FAM184B: variants seen among roughly 807,000 people sequenced by gnomAD.
FAM184B encodes protein FAM184B.
In FAM184B, 111 loss-of-function variants were observed where a neutral mutation model predicts 135.9. The ratio of observed to expected loss-of-function variants is 0.82; its 90% CI spans 0.70 to 0.96. The LOEUF (loss-of-function observed/expected upper bound fraction) is 0.96, where lower values mean the gene tolerates loss of function less well. Among genes scored for constraint, FAM184B ranks in the 40% least tolerant of loss-of-function variants. The pLI is 0.00. For missense variants in FAM184B, 1,375 were observed against 1,323.9 expected, an observed-to-expected ratio of 1.04 and a Z score of -0.60; for synonymous variants, 552 against 524.8, an observed-to-expected ratio of 1.05 and a Z score of -0.71.
At position 17,705,150 on chromosome 4, in the gene FAM184B, GTCT is replaced by G. The variant is rs1372188778; in HGVS notation, c.1224_1226del (p.Glu408del). On this transcript the variant is annotated inframe_deletion, in exon 5 of 18. Coordinates refer to ENST00000265018, the MANE Select transcript of FAM184B (RefSeq NM_015688.2). ...CTGTCTGATGTTTGATTTTACGAAGGTCTTCTTCATATTGTTGCTTCATATATT... is the reference window on the plus strand; with the variant it reads ...CTGTCTGATGTTTGATTTTACGAAGGTCTTCATATTGTTGCTTCATATATT... 29 of 1,551,612 alleles carry G rather than the reference GTCT, an allele frequency of 1.9e-5. No individual in the cohort carries two copies. Among genetic ancestry groups the G allele is most frequent in the Admixed American group, 1.8e-4 (9 of 50,974 alleles).
At chr4:17,773,809 T>C (rs941488445) in intron 1 of FAM184B, among the ~76,000 whole-genome samples, 3 of 152,176 alleles carry the variant, frequency 2.0e-5, no homozygotes, top group Non-Finnish European at 4.4e-5. Flanking sequence ...ACTCCCGACC[T>C]CAGGTGATCC....
intron 7 of FAM184B, among the ~76,000 whole-genome samples, chr4:17,679,237 A>G (rs1430103499): frequency 1.3e-5 from 2 of 152,258 alleles, no homozygotes; most frequent in Non-Finnish European, 2.9e-5. Context: ...CAGAGTAAAC[A>G]GACAACCTAC....
intron 12 of FAM184B, among the ~76,000 whole-genome samples, chr4:17,647,048 G>A (rs902017080): frequency 2.0e-5 from 3 of 152,188 alleles, no homozygotes; most frequent in Non-Finnish European, 4.4e-5. Context: ...CAGACCAGCT[G>A]CATCGAGGGC....
intron 1 of FAM184B, among the ~76,000 whole-genome samples, chr4:17,730,284 T>A (rs1717746026): frequency 6.6e-6 from 1 of 152,158 alleles, no homozygotes; most frequent in Admixed American, 6.5e-5. Context: ...CAAATCTACA[T>A]CTGATTGGTG....
intron 1 of FAM184B, among the ~76,000 whole-genome samples, chr4:17,746,013 C>T (rs370290973): frequency 5.9e-5 from 9 of 152,090 alleles, no homozygotes; most frequent in Non-Finnish European, 1.0e-4. Flanking sequence ...GACTGGAGTG[C>T]ACTGGTACAA....
intron 15 of FAM184B, among the ~76,000 whole-genome samples, chr4:17,636,131 A>G (rs895922683): frequency 1.3e-5 from 2 of 152,064 alleles, no homozygotes; most frequent in Admixed American, 6.5e-5. Context: ...TCTTTGAGAC[A>G]GTCTTGCTCT....
chr4:17,736,267 T>C (rs76813749), intron 1 of FAM184B, among the ~76,000 whole-genome samples: 183 of 152,332 alleles, frequency 1.2e-3, no homozygotes, highest in Non-Finnish European at 2.2e-3. Flanking sequence ...GCCTGTGTTC[T>C]TAACCACTGT....
chr4:17,774,992 CTTTT>C (rs71167338), intron 1 of FAM184B, among the ~76,000 whole-genome samples: 1 of 81,750 alleles, frequency 1.2e-5, no homozygotes, highest in Non-Finnish European at 2.2e-5. Flanking sequence ...TTTTCCTTTT[CTTTT>C]TTTTTTTTTT....
At chr4:17,685,581 A>C (rs991504616) in intron 7 of FAM184B, among the ~76,000 whole-genome samples, 4 of 146,210 alleles carry the variant, frequency 2.7e-5, no homozygotes, top group African/African-American at 1.0e-4. Context: ...AAAAAAAAAG[A>C]CTGAGGAGTT....
chr4:17,687,306 A>C (rs1000700954), intron 7 of FAM184B, among the ~76,000 whole-genome samples: 2 of 152,228 alleles, frequency 1.3e-5, no homozygotes, highest in Admixed American at 1.3e-4. Context: ...TGTAGGCAAC[A>C]ATCAAATAAG....
In FAM184B at chr4:17,630,897, T is replaced by C. The variant is rs141191435; in HGVS notation, c.*1635A>G. On this transcript the variant is annotated 3_prime_UTR_variant, in exon 18 of 18. Transcript: ENST00000265018. Reference sequence around the variant, plus strand: ...AATCAATACAAGTCAACCATTTTTATTGCCCAGTTATTCAAAGTTTTATTC... The same window carrying C: ...AATCAATACAAGTCAACCATTTTTACTGCCCAGTTATTCAAAGTTTTATTC... The C allele has an allele frequency of 6.6e-5, 10 of 152,342 alleles. No individual in the cohort carries two copies. The highest frequency in any genetic ancestry group is 2.4e-4 in the African/African-American group (10 of 41,582). 9.4% of individuals were successfully genotyped at this position (152,342 alleles called of 1,614,324 possible).
chr4:17,633,637 C>T, intron 17 of FAM184B, 52 bp downstream of exon 17: 1 of 1,379,410 alleles, frequency 7.2e-7, no homozygotes, highest in South Asian at 1.7e-5. Context: ...TACTTCCCCT[C>T]TTATCTACAG....
In FAM184B at chr4:17,780,181, G is replaced by A. The variant is rs558689350; in HGVS notation, c.141+978C>T. 1.4e-3 allele frequency among the ~76,000 whole-genome samples: 216 copies of A among 152,228 alleles called. 3 individuals are homozygous for A. The highest frequency in any genetic ancestry group is 6.8e-3 in the Middle Eastern group (2 of 294). On this transcript the variant is annotated intron_variant, in intron 1 of 17. Transcript: ENST00000265018. Reference sequence around the variant, plus strand: ...AGTGAGGTTGGCGGGACAGGGGGAGGGGAATGTCTGTGATCCCACAAAAAA... The same window carrying A: ...AGTGAGGTTGGCGGGACAGGGGGAGAGGAATGTCTGTGATCCCACAAAAAA...
At chr4:17,778,080 A>G (rs1451707803) in intron 1 of FAM184B, among the ~76,000 whole-genome samples, 2 of 152,192 alleles carry the variant, frequency 1.3e-5, no homozygotes, top group Non-Finnish European at 2.9e-5. Flanking sequence ...CAAAGAAAAA[A>G]AAAAAAAGTA....
intron 1 of FAM184B, among the ~76,000 whole-genome samples, chr4:17,725,200 T>C (rs1223074084): frequency 6.6e-6 from 1 of 152,098 alleles, no homozygotes; most frequent in African/African-American, 2.4e-5. Context: ...CTCAGTATTG[T>C]ATCCTCACTA....
chr4:17,680,063 A>G (rs1262180194), intron 7 of FAM184B, among the ~76,000 whole-genome samples: 1 of 152,194 alleles, frequency 6.6e-6, no homozygotes, highest in Non-Finnish European at 1.5e-5. Context: ...AAGACTGCAC[A>G]CTGGGTACAG....
intron 6 of FAM184B, among the ~76,000 whole-genome samples, chr4:17,688,999 T>C (rs1047284038): frequency 8.9e-4 from 135 of 152,196 alleles, no homozygotes; most frequent in Non-Finnish European, 2.4e-4. Flanking sequence ...GGCCTAGAAA[T>C]GCCATTTCTA....
chr4:17,638,804 G>T (rs973588496), intron 14 of FAM184B, among the ~76,000 whole-genome samples: 1 of 150,610 alleles, frequency 6.6e-6, no homozygotes. Context: ...CTCATAAAAT[G>T]AAGGGAGACT....
chr4:17,694,333 C>G (rs1215082715), intron 5 of FAM184B, among the ~76,000 whole-genome samples: 1 of 152,134 alleles, frequency 6.6e-6, no homozygotes, highest in East Asian at 1.9e-4. Context: ...ACCATCCTGG[C>G]TAACACAGTG....
Sources: gnomAD v4.1 joint callset for allele counts (sites outside exome capture counted in the v4.1 genomes callset) on GRCh38, gnomAD v4.1.1 for gene constraint, MANE v1.5 for transcripts, NCBI Gene and HGNC (gene_info 2026-07-23, HGNC 2026-07-21) for gene names.